The following NRG3 variants were observed in gnomAD, a reference collection of about 807,000 sequenced individuals.
NRG3 encodes the protein pro-neuregulin-3, membrane-bound isoform.
Under a neutral mutation model 66.9 loss-of-function variants are expected in NRG3, and 31 were observed. The ratio of observed to expected loss-of-function variants is 0.46; its 90% CI spans 0.35 to 0.63. NRG3 has a LOEUF of 0.63. NRG3 is among the 20% of genes least tolerant of loss of function. NRG3 has a pLI of 0.00. For synonymous variants in NRG3, 393 were observed against 359.4 expected, an observed-to-expected ratio of 1.09 and a Z score of -1.06; for missense variants, 910 against 878.9, an observed-to-expected ratio of 1.04 and a Z score of -0.45.
At position 82,075,964 on chromosome 10, in the gene NRG3, A is replaced by AC. The variant is rs2065068984; in HGVS notation, c.823+199801_823+199802insC. Among the ~76,000 whole-genome samples, 4 of 151,876 alleles carry AC rather than the reference A, an allele frequency of 2.6e-5. No homozygotes were observed. The South Asian group carries it at 6.3e-4, about 24-fold the overall frequency. On this transcript the variant is annotated intron_variant, in intron 1 of 8. Coordinates refer to ENST00000372141, the MANE Select transcript of NRG3 (RefSeq NM_001010848.4). ...AAAAGTAAACATAGTTAAAAAAAAAAACGATCATTTAAAGAAGACTAGGAA... is the reference window on the plus strand; with the variant it reads ...AAAAGTAAACATAGTTAAAAAAAAAACACGATCATTTAAAGAAGACTAGGAA...
chr10:82,310,701 G>A (rs556054962), intron 1 of NRG3, among the ~76,000 whole-genome samples: 3 of 152,122 alleles, frequency 2.0e-5, no homozygotes, highest in East Asian at 1.9e-4. Context: ...CAGGGAGGGC[G>A]ACTACATTTT....
At chr10:82,409,801 A>G (rs2087914091) in intron 2 of NRG3, among the ~76,000 whole-genome samples, 1 of 152,126 alleles carries the variant, frequency 6.6e-6, no homozygotes. Context: ...GCTGTGGTTG[A>G]TTGGCCTGCT....
At chr10:82,475,226 A>T (rs1413819277) in intron 2 of NRG3, among the ~76,000 whole-genome samples, 1 of 152,140 alleles carries the variant, frequency 6.6e-6, no homozygotes, top group East Asian at 1.9e-4. Flanking sequence ...ATTAACTATG[A>T]TTGAGAGAAA....
chr10:82,032,969 C>T (rs1489552687), intron 1 of NRG3, among the ~76,000 whole-genome samples: 1 of 151,954 alleles, frequency 6.6e-6, no homozygotes, highest in African/African-American at 2.4e-5. Flanking sequence ...AAAATAATGA[C>T]CCTCATGCTG....
intron 2 of NRG3, among the ~76,000 whole-genome samples, chr10:82,691,303 A>G (rs1392175233): frequency 1.3e-5 from 2 of 152,206 alleles, no homozygotes; most frequent in African/African-American, 4.8e-5. Flanking sequence ...CTGAGCCCTG[A>G]GCCTAACTGG....
chr10:82,370,484 G>T (rs2084813054), intron 2 of NRG3, among the ~76,000 whole-genome samples: 1 of 138,216 alleles, frequency 7.2e-6, no homozygotes, highest in South Asian at 2.1e-4. Flanking sequence ...CAGGATAGGG[G>T]AATGGAAAGC....
At chr10:82,215,963 CTTTTT>C (rs71894841) in intron 1 of NRG3, among the ~76,000 whole-genome samples, 1,371 of 89,694 alleles carry the variant, frequency 0.015, 18 homozygotes, top group African/African-American at 0.06. Flanking sequence ...TTATGTTTTC[CTTTTT>C]TTTTTTTTTT....
At chr10:82,456,701 A>G (rs1373152945) in intron 2 of NRG3, among the ~76,000 whole-genome samples, 1 of 152,166 alleles carries the variant, frequency 6.6e-6, no homozygotes, top group African/African-American at 2.4e-5. Context: ...TTCAATATTT[A>G]ATACATAGAA....
intron 2 of NRG3, among the ~76,000 whole-genome samples, chr10:82,604,632 C>A (rs1218016895): frequency 6.6e-6 from 1 of 151,980 alleles, no homozygotes; most frequent in Non-Finnish European, 1.5e-5. Context: ...CAGTGTGGTA[C>A]TGGAGAAATA....
chr10:82,359,021 A>G (rs1013079971), intron 2 of NRG3, among the ~76,000 whole-genome samples, 153 bp downstream of exon 2: 7 of 152,230 alleles, frequency 4.6e-5, no homozygotes, highest in Non-Finnish European at 8.8e-5. Flanking sequence ...GGAAAGGGCA[A>G]GGCTGCTGCC....
chr10:82,687,386 C>T (rs1302392986), intron 2 of NRG3, among the ~76,000 whole-genome samples: 1 of 152,096 alleles, frequency 6.6e-6, no homozygotes, highest in African/African-American at 2.4e-5. Flanking sequence ...CCTTTGTTTC[C>T]TCAACCATCA....
Position 82,562,423 on chromosome 10 carries a change from A to C in NRG3, c.954-176154A>C, listed in dbSNP as rs1022194146. On this transcript the variant is annotated intron_variant, in intron 2 of 8. Coordinates refer to ENST00000372141, the MANE Select transcript of NRG3 (RefSeq NM_001010848.4). ...GTTGAAAGGTCTTTCTCTTGCTTTCATAGCTTGCTGTAAATACTGCATTCT... is the reference window on the plus strand; with the variant it reads ...GTTGAAAGGTCTTTCTCTTGCTTTCCTAGCTTGCTGTAAATACTGCATTCT... Among the ~76,000 whole-genome samples the C allele has an allele frequency of 2.0e-5, 3 of 152,284 alleles. No homozygotes were observed. The South Asian group carries it at 6.2e-4, about 32-fold the overall frequency.
chr10:82,328,700 C>G (rs1337942042), intron 1 of NRG3, among the ~76,000 whole-genome samples: 2 of 152,168 alleles, frequency 1.3e-5, no homozygotes, highest in East Asian at 1.9e-4. Context: ...CCAGTCATCT[C>G]TTATTCTCAC....
chr10:81,899,359 G>C (rs1283886567), intron 1 of NRG3, among the ~76,000 whole-genome samples: 1 of 152,224 alleles, frequency 6.6e-6, no homozygotes, highest in Non-Finnish European at 1.5e-5. Context: ...ACGTGAAATA[G>C]TCAACAGATA....
intron 2 of NRG3, among the ~76,000 whole-genome samples, chr10:82,494,972 G>T (rs1329665344): frequency 1.3e-5 from 2 of 150,142 alleles, no homozygotes; most frequent in African/African-American, 4.9e-5. Flanking sequence ...ACAGTGTCTT[G>T]CTCTGTCACC....
At chr10:82,753,574 C>T (rs967397506) in intron 3 of NRG3, among the ~76,000 whole-genome samples, 1 of 151,726 alleles carries the variant, frequency 6.6e-6, no homozygotes, top group African/African-American at 2.4e-5. Flanking sequence ...GTTTTTCCTT[C>T]CTTCTTTCTT....
chr10:82,193,964 T>C (rs555192477), intron 1 of NRG3, among the ~76,000 whole-genome samples: 1 of 152,204 alleles, frequency 6.6e-6, no homozygotes, highest in Non-Finnish European at 1.5e-5. Flanking sequence ...TTTTGCAACA[T>C]TTAGAGGTTC....
chr10:81,955,163 A>G (rs1849708172), intron 1 of NRG3, among the ~76,000 whole-genome samples: 1 of 148,064 alleles, frequency 6.8e-6, no homozygotes, highest in Non-Finnish European at 1.5e-5. Context: ...AATATATAAT[A>G]TATATAATAC....
chr10:82,924,497 AT>A (rs1263670261), intron 4 of NRG3, among the ~76,000 whole-genome samples: 10 of 151,594 alleles, frequency 6.6e-5, no homozygotes, highest in African/African-American at 2.4e-4. Context: ...AATCAGACAC[AT>A]TCCAATGATA....
Sources: gnomAD v4.1 joint callset for allele counts (sites outside exome capture counted in the v4.1 genomes callset) on GRCh38, gnomAD v4.1.1 for gene constraint, MANE v1.5 for transcripts, NCBI Gene and HGNC (gene_info 2026-07-23, HGNC 2026-07-21) for gene names.